Variants in AFG2A observed in about 807,000 individuals in gnomAD.
AFG2A encodes the protein ATPase family gene 2 protein homolog A.
the AFG2A span, among the ~76,000 whole-genome samples, chr4:123,248,294 C>T: frequency 1.7e-4 from 26 of 152,176 alleles, no homozygotes; most frequent in African/African-American, 6.0e-4. Flanking sequence ...CATAGGCTCT[C>T]ATGGATTTTA....
chr4:123,248,128 G>A, the AFG2A span, among the ~76,000 whole-genome samples: 1 of 151,996 alleles, frequency 6.6e-6, no homozygotes, highest in African/African-American at 2.4e-5. Flanking sequence ...GTATCTTGTG[G>A]GTAGTTAAGA....
chr4:123,191,430 C>T, the AFG2A span, among the ~76,000 whole-genome samples: 1 of 151,372 alleles, frequency 6.6e-6, no homozygotes, highest in South Asian at 2.1e-4. Flanking sequence ...ATGCTATAAG[C>T]TTAGGGAGGG....
chr4:123,056,507 C>G, the AFG2A span: 5 of 1,389,384 alleles, frequency 3.6e-6, no homozygotes, highest in South Asian at 3.2e-5. Flanking sequence ...TGCAGCTTCC[C>G]TTTTGTTTTA....
At chr4:123,005,071 A>T in the AFG2A span, among the ~76,000 whole-genome samples, 3 of 152,018 alleles carry the variant, frequency 2.0e-5, no homozygotes, top group East Asian at 3.9e-4. Flanking sequence ...TTCATTTTTG[A>T]TATTGGTAAT....
chr4:123,177,543 C>G, the AFG2A span, among the ~76,000 whole-genome samples: 5 of 152,036 alleles, frequency 3.3e-5, no homozygotes, highest in Non-Finnish European at 7.4e-5. Context: ...AAGAGACTTC[C>G]TACCTCCACT....
the AFG2A span, among the ~76,000 whole-genome samples, chr4:123,265,129 C>G: frequency 1.3e-5 from 2 of 152,066 alleles, no homozygotes; most frequent in South Asian, 4.1e-4. Context: ...CAGTTTTCCA[C>G]TAAGTAGAAA....
chr4:123,193,202 A>G, the AFG2A span, among the ~76,000 whole-genome samples: 1 of 152,184 alleles, frequency 6.6e-6, no homozygotes, highest in African/African-American at 2.4e-5. Context: ...TTAAAGCTAA[A>G]TTGCCTGATA....
the AFG2A span, among the ~76,000 whole-genome samples, chr4:123,277,042 A>G: frequency 2.0e-5 from 3 of 152,316 alleles, no homozygotes; most frequent in Admixed American, 1.3e-4. Context: ...TTTGATAGGA[A>G]TAGCACTGAA....
At chr4:123,246,132 C>T in the AFG2A span, among the ~76,000 whole-genome samples, 2 of 152,180 alleles carry the variant, frequency 1.3e-5, no homozygotes, top group African/African-American at 2.4e-5. Flanking sequence ...AGAATAATTA[C>T]GAATCTATTT....
the AFG2A span, among the ~76,000 whole-genome samples, chr4:123,045,018 C>T: frequency 6.6e-6 from 1 of 151,738 alleles, no homozygotes; most frequent in African/African-American, 2.4e-5. Flanking sequence ...TTCTTTTGGC[C>T]AGGTCAATAA....
chr4:123,287,116 G>A, the AFG2A span, among the ~76,000 whole-genome samples: 1 of 152,174 alleles, frequency 6.6e-6, no homozygotes, highest in Admixed American at 6.6e-5. Context: ...AAGGGAGGGT[G>A]TGACCAAAGA....
the AFG2A span, among the ~76,000 whole-genome samples, chr4:122,969,675 A>G: frequency 1.3e-5 from 2 of 152,110 alleles, no homozygotes; most frequent in African/African-American, 4.8e-5. Context: ...CAATTTGGAG[A>G]GATTTGGGAA....
At chr4:123,219,855 G>A in the AFG2A span, among the ~76,000 whole-genome samples, 6 of 151,806 alleles carry the variant, frequency 4.0e-5, no homozygotes, top group African/African-American at 1.5e-4. Context: ...CTATTTAACT[G>A]TAATGAGTTG....
chr4:122,986,334 T>A, the AFG2A span, among the ~76,000 whole-genome samples: 1 of 152,204 alleles, frequency 6.6e-6, no homozygotes, highest in Admixed American at 6.5e-5. Context: ...CTTTGTTGAC[T>A]TTCCGTCTTG....
At chr4:122,978,980 A>G in the AFG2A span, among the ~76,000 whole-genome samples, 1 of 152,306 alleles carries the variant, frequency 6.6e-6, no homozygotes, top group East Asian at 1.9e-4. Flanking sequence ...ACCTGGGTCC[A>G]CAGCCATGGC....
At chr4:123,312,201 C>T in the AFG2A span, among the ~76,000 whole-genome samples, 1 of 152,164 alleles carries the variant, frequency 6.6e-6, no homozygotes, top group Non-Finnish European at 1.5e-5. Context: ...TATTTGTCCA[C>T]TCACATAGTA....
the AFG2A span, among the ~76,000 whole-genome samples, chr4:123,145,034 T>C: frequency 6.6e-6 from 1 of 152,122 alleles, no homozygotes; most frequent in Non-Finnish European, 1.5e-5. Context: ...TGACTTTACA[T>C]TGCTGTTTAT....
the AFG2A span, among the ~76,000 whole-genome samples, chr4:123,017,159 GGAA>G: frequency 0.41 from 40,171 of 98,434 alleles, 11,501 homozygotes; most frequent in Non-Finnish European, 0.55. Context: ...GGGGGGAGAG[GGAA>G]GGGGAGAGGG....
the AFG2A span, chr4:123,028,096 G>GT: frequency 5.6e-6 from 6 of 1,072,464 alleles, no homozygotes; most frequent in Admixed American, 2.3e-5. Flanking sequence ...CTTTTTTGCA[G>GT]TTCTTCTGTT....
Sources: allele counts gnomAD v4.1 joint callset (sites outside exome capture counted in the v4.1 genomes callset), GRCh38; gene constraint gnomAD v4.1.1; transcripts MANE v1.5; gene names NCBI Gene and HGNC (gene_info 2026-07-23, HGNC 2026-07-21).